The following DYNC2LI1 variants were observed in gnomAD, a reference collection of about 807,000 sequenced individuals.
DYNC2LI1 encodes the protein dynein cytoplasmic 2 light intermediate chain 1, also known as cytoplasmic dynein 2 light intermediate chain 1.
A neutral mutation model predicts 51.9 loss-of-function variants in DYNC2LI1; 45 were observed. That is an observed-to-expected ratio of 0.87 (90% CI 0.68 to 1.11). The LOEUF (loss-of-function observed/expected upper bound fraction) is 1.11. Ranked by LOEUF, DYNC2LI1 falls within the 50% of genes most tolerant of loss-of-function variation. The probability of loss-of-function intolerance (pLI) is 0.00; values close to 1 mark genes in which losing one functional copy is unlikely to be tolerated. For missense variants in DYNC2LI1, 490 were observed against 417.4 expected, an observed-to-expected ratio of 1.17 and a Z score of -1.51; for synonymous variants, 130 against 137.8, an observed-to-expected ratio of 0.94 and a Z score of 0.40.
the DYNC2LI1 span, chr2:43,822,354 C>G: frequency 4.9e-6 from 1 of 205,058 alleles, no homozygotes; most frequent in Non-Finnish European, 8.6e-6. Flanking sequence ...GCTGCCCAAT[C>G]CTGCTTCTCT....
At chr2:43,788,637 G>C (rs3792024) in intron 4 of DYNC2LI1, among the ~76,000 whole-genome samples, 5 of 151,456 alleles carry the variant, frequency 3.3e-5, no homozygotes, top group Non-Finnish European at 5.9e-5. Flanking sequence ...TTTTTCTTTC[G>C]GAGACAAGGT....
At chr2:43,778,356 G>A (rs1283135316) in intron 2 of DYNC2LI1, among the ~76,000 whole-genome samples, 3 of 152,020 alleles carry the variant, frequency 2.0e-5, no homozygotes, top group East Asian at 1.9e-4. Context: ...GTTTCACTGC[G>A]TTGCCCAGGC....
the DYNC2LI1 span, among the ~76,000 whole-genome samples, chr2:43,817,045 G>GGAAT: frequency 6.6e-6 from 1 of 152,200 alleles, no homozygotes; most frequent in African/African-American, 2.4e-5. Context: ...ATGGGTAAAT[G>GGAAT]GAATGACTAG....
At chr2:43,813,218 A>G (rs1460954499), downstream of DYNC2LI1, 3 of 1,611,726 alleles carry the variant, frequency 1.9e-6, no homozygotes, top group African/African-American at 1.3e-5. Flanking sequence ...TTGTGAATCT[A>G]GATGTTGCAC....
At chr2:43,786,598 G>A (rs1021214187) in intron 3 of DYNC2LI1, among the ~76,000 whole-genome samples, 4 of 152,056 alleles carry the variant, frequency 2.6e-5, no homozygotes, top group African/African-American at 7.2e-5. Flanking sequence ...TCAGGAGATC[G>A]AGACCATCCT....
chr2:43,822,280 C>A, the DYNC2LI1 span, among the ~76,000 whole-genome samples: 1 of 152,098 alleles, frequency 6.6e-6, no homozygotes, highest in Non-Finnish European at 1.5e-5. Context: ...CTCCTTTAAC[C>A]CCTGCAATAT....
At chr2:43,782,616 G>A (rs1396317813) in intron 2 of DYNC2LI1, among the ~76,000 whole-genome samples, 1 of 151,680 alleles carries the variant, frequency 6.6e-6, no homozygotes, top group Non-Finnish European at 1.5e-5. Flanking sequence ...CTAATCCCTG[G>A]CTAAGCTGTG....
the DYNC2LI1 span, chr2:43,826,569 C>A: frequency 1.4e-5 from 23 of 1,613,660 alleles, no homozygotes; most frequent in Non-Finnish European, 1.9e-5. Context: ...AGAGCCCAGG[C>A]TCTGTGCTTA....
Position 43,800,826 on chromosome 2 carries a change from C to T in DYNC2LI1, c.655-15C>T. The T allele has an allele frequency of 6.8e-7, 1 of 1,479,974 alleles. No homozygotes were observed. The allele number at this position is 1,479,974 out of a possible 1,614,324, so 91.7% of individuals were successfully genotyped here. On this transcript the variant is annotated splice_polypyrimidine_tract_variant and intron_variant, in intron 8 of 12. Coordinates refer to ENST00000260605, the MANE Select transcript of DYNC2LI1 (RefSeq NM_016008.4). ...AAAATAGAGCATGTAATTTGTTCTC[C>T]TGATTTGTTTAAAGTTTACCAGTAA... is the stretch of plus-strand genomic sequence containing the variant.
the DYNC2LI1 span, among the ~76,000 whole-genome samples, chr2:43,819,061 G>A: frequency 6.6e-6 from 1 of 152,144 alleles, no homozygotes; most frequent in Non-Finnish European, 1.5e-5. Context: ...TGCTCTGAGA[G>A]TTAAATAATT....
chr2:43,822,905 T>G, the DYNC2LI1 span: 11 of 1,614,064 alleles, frequency 6.8e-6, no homozygotes, highest in Non-Finnish European at 9.3e-6. Flanking sequence ...GTCCTGACTC[T>G]CCTGGTCGCT....
At chr2:43,815,927 A>AAAT in the DYNC2LI1 span, among the ~76,000 whole-genome samples, 1 of 146,852 alleles carries the variant, frequency 6.8e-6, no homozygotes, top group Admixed American at 6.7e-5. Context: ...AAAAAAAAAA[A>AAAT]GGACCAGACT....
intron 6 of DYNC2LI1, chr2:43,794,975 C>T: frequency 3.3e-6 from 4 of 1,224,230 alleles, no homozygotes; most frequent in Non-Finnish European, 4.1e-6. Flanking sequence ...ACAAAAGTCA[C>T]CTGACAAAGA....
chr2:43,806,494 A>G (rs1481287350), intron 12 of DYNC2LI1, among the ~76,000 whole-genome samples: 2 of 152,220 alleles, frequency 1.3e-5, no homozygotes, highest in Middle Eastern at 3.2e-3. Flanking sequence ...TAGAGGTTTT[A>G]TAGCTGTAGC....
At chr2:43,777,047 A>G in intron 2 of DYNC2LI1, 148 bp downstream of exon 2, 3 of 445,360 alleles carry the variant, frequency 6.7e-6, no homozygotes, top group Non-Finnish European at 1.2e-5. Flanking sequence ...CTTATTATTA[A>G]TCTAGGAAAA....
the DYNC2LI1 span, among the ~76,000 whole-genome samples, chr2:43,825,371 G>C: frequency 6.6e-6 from 1 of 152,170 alleles, no homozygotes; most frequent in East Asian, 1.9e-4. Context: ...GCAGGGGTGG[G>C]TCTTAGTTTG....
chr2:43,789,259 T>G (rs1673666617), intron 4 of DYNC2LI1, among the ~76,000 whole-genome samples: 2 of 152,244 alleles, frequency 1.3e-5, no homozygotes, highest in African/African-American at 4.8e-5. Context: ...TTTATTTCTA[T>G]CTAGAATTAT....
chr2:43,781,436 G>T (rs1673276914), intron 2 of DYNC2LI1, among the ~76,000 whole-genome samples: 1 of 151,272 alleles, frequency 6.6e-6, no homozygotes, highest in South Asian at 2.1e-4. Context: ...ATGAAAATTT[G>T]AGGAAATTGG....
chr2:43,822,478 G>GCCCCCCCCCCCCCCCC, the DYNC2LI1 span: 1 of 432,258 alleles, frequency 2.3e-6, no homozygotes, highest in African/African-American at 2.2e-5. Flanking sequence ...CCTCCCCCAG[G>GCCCCCCCCCCCCCCCC]CCCCCCCCCA....
Sources: gnomAD v4.1 joint callset for allele counts (sites outside exome capture counted in the v4.1 genomes callset) on GRCh38, gnomAD v4.1.1 for gene constraint, MANE v1.5 for transcripts, NCBI Gene and HGNC (gene_info 2026-07-23, HGNC 2026-07-21) for gene names.